The following KCNB2 variants were observed in gnomAD, a reference collection of about 807,000 sequenced individuals.
The protein encoded by KCNB2 is potassium voltage-gated channel subfamily B member 2.
A neutral mutation model predicts 61.5 loss-of-function variants in KCNB2; 15 were observed. The ratio of observed to expected loss-of-function variants is 0.24; its 90% CI spans 0.16 to 0.38. The LOEUF is 0.38. Ranked by LOEUF, KCNB2 falls within the 10% of genes least tolerant of loss-of-function variation. The pLI is 1.00. For missense variants in KCNB2, 828 were observed against 1,125.2 expected (o/e 0.74, Z 3.78); for synonymous variants, 457 against 446.0 (o/e 1.02, Z -0.31).
intron 2 of KCNB2, among the ~76,000 whole-genome samples, chr8:72,757,402 AAG>A (rs1242914198): frequency 6.6e-6 from 1 of 152,208 alleles, no homozygotes; most frequent in African/African-American, 2.4e-5. Context: ...TGTGAATGGA[AAG>A]AGAGATGCTC....
rs149855353 is a variant in KCNB2 at position 72,724,498 on chromosome 8, A to C, written c.579+156185A>C. Among the ~76,000 whole-genome samples, 16 of 152,316 alleles carry C rather than the reference A, an allele frequency of 1.1e-4. No individual in the cohort carries two copies. In the East Asian group the frequency reaches 2.7e-3, roughly 26 times the overall value. ...AAAGTCCAGATATTTTAAGACAAAC[A>C]GCTGCACCTTTATTTGATTTCTTTT... On this transcript the variant is annotated intron_variant, in intron 2 of 2. Coordinates refer to ENST00000523207, the MANE Select transcript of KCNB2 (RefSeq NM_004770.3).
intron 2 of KCNB2, chr8:72,751,162 C>T (rs1188191906): frequency 6.6e-6 from 1 of 152,074 alleles, no homozygotes; most frequent in Non-Finnish European, 1.5e-5. Flanking sequence ...GACAGACAGA[C>T]AAGAGTTGGA....
Position 72,721,383 on chromosome 8 carries a change from G to A in KCNB2, c.579+153070G>A, listed in dbSNP as rs142431279. On this transcript the variant is annotated intron_variant, in intron 2 of 2. Coordinates refer to ENST00000523207, the MANE Select transcript of KCNB2 (RefSeq NM_004770.3). ...CTCCTTTAAAATAGAAGCGTCATGA[G>A]GACAAAGACCTCTTCTCTTTATTCC... Among the ~76,000 whole-genome samples the A allele has an allele frequency of 3.9e-3, 599 of 152,316 alleles. 4 individuals are homozygous for A. Among genetic ancestry groups the A allele is most frequent in the African/African-American group, 0.014 (569 of 41,574 alleles).
At chr8:72,839,084 C>A (rs764551597) in intron 2 of KCNB2, among the ~76,000 whole-genome samples, 2 of 152,054 alleles carry the variant, frequency 1.3e-5, no homozygotes, top group Non-Finnish European at 2.9e-5. Context: ...TAGAATAAGA[C>A]GCTCATTATC....
chr8:72,607,461 T>C (rs1373435927), intron 2 of KCNB2, among the ~76,000 whole-genome samples: 3 of 152,298 alleles, frequency 2.0e-5, no homozygotes, highest in African/African-American at 4.8e-5. Context: ...GAGAATGTAA[T>C]TGTGTTACCA....
intron 2 of KCNB2, among the ~76,000 whole-genome samples, chr8:72,620,174 A>T (rs1423545201): frequency 1.3e-5 from 2 of 152,222 alleles, no homozygotes; most frequent in Non-Finnish European, 1.5e-5. Flanking sequence ...ACATAGCACT[A>T]CTTTAGAGAA....
intron 2 of KCNB2, among the ~76,000 whole-genome samples, chr8:72,828,477 C>T (rs556603134): frequency 6.6e-6 from 1 of 152,096 alleles, no homozygotes; most frequent in Non-Finnish European, 1.5e-5. Context: ...TACAGCAGCT[C>T]TCCTAATCTC....
intron 2 of KCNB2, among the ~76,000 whole-genome samples, chr8:72,911,051 CT>C (rs143391726): frequency 0.096 from 14,640 of 152,130 alleles, 700 homozygotes; most frequent in African/African-American, 0.12. Flanking sequence ...GTTCTCAAGG[CT>C]TTTTTGAAAA....
chr8:72,574,452 C>T (rs188952657), intron 2 of KCNB2, among the ~76,000 whole-genome samples: 2 of 152,310 alleles, frequency 1.3e-5, no homozygotes, highest in East Asian at 1.9e-4. Context: ...TTCAAAGTGT[C>T]CCAGTTTGCA....
chr8:72,619,650 T>G (rs1276091849), intron 2 of KCNB2, among the ~76,000 whole-genome samples: 4 of 152,070 alleles, frequency 2.6e-5, no homozygotes, highest in African/African-American at 9.7e-5. Flanking sequence ...TGCAAGCCCC[T>G]TATTTACTAA....
rs566497275 is a variant in KCNB2, at chr8:72,806,415, G to A, written c.580-129520G>A. On this transcript the variant is annotated intron_variant, in intron 2 of 2. Coordinates refer to ENST00000523207, the MANE Select transcript of KCNB2 (RefSeq NM_004770.3). ...ATCAGGAGATCCAGACCATCATCCT[G>A]GCTAACATGGTAAAACCCCATCTCT... 2.1e-4 allele frequency among the ~76,000 whole-genome samples: 32 copies of A among 149,942 alleles called. No individual in the cohort carries two copies. The South Asian group carries it at 5.5e-3, about 26-fold the overall frequency.
chr8:72,739,666 A>G (rs111250053), intron 2 of KCNB2, among the ~76,000 whole-genome samples: 10 of 152,202 alleles, frequency 6.6e-5, no homozygotes, highest in African/African-American at 1.7e-4. Flanking sequence ...AGAATGTGCT[A>G]GAAGATGAGC....
At chr8:72,894,140 C>T (rs1805948246) in intron 2 of KCNB2, among the ~76,000 whole-genome samples, 1 of 152,128 alleles carries the variant, frequency 6.6e-6, no homozygotes, top group Non-Finnish European at 1.5e-5. Context: ...GAGCATGTAA[C>T]CTGAGATCCA....
chr8:72,831,743 T>C (rs1809701222), intron 2 of KCNB2, among the ~76,000 whole-genome samples: 1 of 152,228 alleles, frequency 6.6e-6, no homozygotes, highest in Admixed American at 6.5e-5. Flanking sequence ...CAAGAACCCA[T>C]AACAAAGATA....
rs540219815 is a variant in KCNB2, at chr8:72,617,357, A to G, written c.579+49044A>G. The stretch of plus-strand genomic sequence containing the variant: ...TGTATGTTGCAGAGAGAAAAGAAAA[A>G]TAGGCAAGGACAGGATTTGAGATGG... On this transcript the variant is annotated intron_variant, in intron 2 of 2. Coordinates refer to ENST00000523207, the MANE Select transcript of KCNB2 (RefSeq NM_004770.3). 2.0e-5 allele frequency among the ~76,000 whole-genome samples: 3 copies of G among 152,306 alleles called. No individual in the cohort carries two copies. In the South Asian group the frequency reaches 6.2e-4, roughly 32 times the overall value.
intron 2 of KCNB2, among the ~76,000 whole-genome samples, chr8:72,722,542 T>C (rs1276078873): frequency 6.6e-6 from 1 of 152,206 alleles, no homozygotes; most frequent in Non-Finnish European, 1.5e-5. Context: ...CACCTGTTAT[T>C]CCTTTGTAGT....
At chr8:72,561,693 A>T (rs349347) in intron 1 of KCNB2, among the ~76,000 whole-genome samples, 36,074 of 51,924 alleles carry the variant, frequency 0.69, 11,174 homozygotes, top group African/African-American at 0.75. Context: ...TCTTACTTTT[A>T]TATATATATA....
At chr8:72,783,142 G>C (rs987303000) in intron 2 of KCNB2, among the ~76,000 whole-genome samples, 2 of 152,040 alleles carry the variant, frequency 1.3e-5, no homozygotes, top group African/African-American at 4.8e-5. Flanking sequence ...GAATCCTTTT[G>C]TTTCCACTTC....
At chr8:72,901,966 C>T (rs1806100013) in intron 2 of KCNB2, among the ~76,000 whole-genome samples, 2 of 152,070 alleles carry the variant, frequency 1.3e-5, no homozygotes, top group South Asian at 4.1e-4. Context: ...TTGAGGAGAG[C>T]AGGGAAGTTA....
Sources: gnomAD v4.1 joint callset for allele counts (sites outside exome capture counted in the v4.1 genomes callset) on GRCh38, gnomAD v4.1.1 for gene constraint, MANE v1.5 for transcripts, NCBI Gene and HGNC (gene_info 2026-07-23, HGNC 2026-07-21) for gene names.